MTUS2: variants seen among roughly 807,000 people sequenced by gnomAD.
The protein encoded by MTUS2 is microtubule-associated tumor suppressor candidate 2.
Under a neutral mutation model 114.1 loss-of-function variants are expected in MTUS2, and 40 were observed. The ratio of observed to expected loss-of-function variants is 0.35; its 90% CI spans 0.27 to 0.46. The LOEUF (loss-of-function observed/expected upper bound fraction) is 0.46, where lower values mean the gene tolerates loss of function less well. MTUS2 is among the 20% of genes least tolerant of loss of function. MTUS2 has a pLI of 1.00. For synonymous variants in MTUS2, 688 were observed against 672.0 expected, an observed-to-expected ratio of 1.02 and a Z score of -0.37; for missense variants, 1,679 against 1,705.4, an observed-to-expected ratio of 0.98 and a Z score of 0.27.
rs939051986 is a variant in MTUS2 at position 29,298,086 on chromosome 13, T to C, written c.2806+16221T>C. Among the ~76,000 whole-genome samples, 4 of 152,206 alleles carry C rather than the reference T, an allele frequency of 2.6e-5. No individual in the cohort carries two copies. The South Asian group carries it at 8.3e-4, about 32-fold the overall frequency. On this transcript the variant is annotated intron_variant, in intron 6 of 15. Transcript: ENST00000612955. Reference sequence around the variant, plus strand: ...ATAGTGGGGCTGTACCTGTTGACTTTTCTAACTGGCTTGCACTGTTGTAGC... The same window carrying C: ...ATAGTGGGGCTGTACCTGTTGACTTCTCTAACTGGCTTGCACTGTTGTAGC...
At chr13:29,497,130 C>A in intron 12 of MTUS2, 108 bp from the exon 13 acceptor site, 1 of 935,780 alleles carries the variant, frequency 1.1e-6, no homozygotes, top group Non-Finnish European at 1.7e-6. Context: ...GGGAAACACT[C>A]TGAGGATGCC....
chr13:28,930,306 C>T (rs1444837486), intron 2 of MTUS2, among the ~76,000 whole-genome samples: 7 of 152,194 alleles, frequency 4.6e-5, no homozygotes, highest in African/African-American at 2.4e-5. Context: ...AGGCAGCTCT[C>T]CTACCATTTT....
chr13:29,418,793 C>CGCGTT (rs1351540760), intron 8 of MTUS2, among the ~76,000 whole-genome samples: 2 of 152,292 alleles, frequency 1.3e-5, no homozygotes, highest in African/African-American at 4.8e-5. Context: ...GTGAAATGTC[C>CGCGTT]GCGTTCTAGA....
chr13:28,916,934 A>G (rs1444884803), intron 2 of MTUS2, among the ~76,000 whole-genome samples: 1 of 151,812 alleles, frequency 6.6e-6, no homozygotes, highest in Non-Finnish European at 1.5e-5. Flanking sequence ...ATATTGAGGT[A>G]TGCTCTTTTT....
rs183814160 is a variant in MTUS2 at position 29,363,826 on chromosome 13, A to T, written c.3117+4353A>T. ...AAAAAGTAAGAGGCAGAACTTTAAC[A>T]ATAGAGCTCTTATTTATTGACCATC... On this transcript the variant is annotated intron_variant, in intron 8 of 15. Transcript: ENST00000612955. Among the ~76,000 whole-genome samples the T allele has an allele frequency of 2.7e-4, 41 of 152,312 alleles. No individual in the cohort carries two copies. The East Asian group carries it at 7.5e-3, about 28-fold the overall frequency.
intron 2 of MTUS2, among the ~76,000 whole-genome samples, chr13:28,891,043 C>T (rs1251422105): frequency 6.6e-6 from 1 of 152,210 alleles, no homozygotes; most frequent in East Asian, 1.9e-4. Flanking sequence ...TACAAAGTGT[C>T]AGTTTTCCCC....
intron 2 of MTUS2, among the ~76,000 whole-genome samples, chr13:29,013,999 A>G (rs191027914): frequency 2.8e-4 from 43 of 152,368 alleles, no homozygotes; most frequent in Admixed American, 1.3e-3. Context: ...CAATTTCTCC[A>G]AGGATTAGGA....
At chr13:29,446,883 C>A (rs535709442) in intron 9 of MTUS2, among the ~76,000 whole-genome samples, 1 of 120,856 alleles carries the variant, frequency 8.3e-6, no homozygotes, top group African/African-American at 4.4e-5. Context: ...TAGGACGGAG[C>A]TTTTATGGTT....
rs56965083 is a variant in MTUS2, at chr13:29,200,521, G to GTT, written c.2645-81168_2645-81167dup. ...TGGTTTTGAGTGAGTTTCTTTTTCTGTTTTTTTTTTTTTTTTGAGATGGAG... is the reference window on the plus strand; with the variant it reads ...TGGTTTTGAGTGAGTTTCTTTTTCTGTTTTTTTTTTTTTTTTTTGAGATGGAG... On this transcript the variant is annotated intron_variant, in intron 5 of 15. Transcript: ENST00000612955. Among the ~76,000 whole-genome samples the GTT allele has an allele frequency of 1.9e-4, 16 of 85,420 alleles. 1 individual carries two copies. The highest frequency in any genetic ancestry group is 4.9e-4 in the African/African-American group (10 of 20,218). The allele number at this position is 85,420 out of a possible 152,430, so 56.0% of individuals were successfully genotyped here.
chr13:29,409,441 G>T (rs900158690), intron 8 of MTUS2, among the ~76,000 whole-genome samples: 6 of 151,888 alleles, frequency 4.0e-5, no homozygotes, highest in African/African-American at 1.5e-4. Flanking sequence ...TTCCCCATTT[G>T]CTTTAATGTC....
At chr13:28,827,725 A>C (rs1165455091) in intron 1 of MTUS2, among the ~76,000 whole-genome samples, 2 of 152,162 alleles carry the variant, frequency 1.3e-5, no homozygotes, top group African/African-American at 4.8e-5. Context: ...GAGACATCAC[A>C]TGTTGGCAGG....
At chr13:29,120,180 G>C (rs904554616) in intron 5 of MTUS2, among the ~76,000 whole-genome samples, 4 of 151,784 alleles carry the variant, frequency 2.6e-5, no homozygotes, top group Admixed American at 2.0e-4. Context: ...CATACACTGA[G>C]GTCAAAATCA....
chr13:29,190,888 G>T (rs1290697895), intron 5 of MTUS2, among the ~76,000 whole-genome samples: 1 of 152,098 alleles, frequency 6.6e-6, no homozygotes, highest in African/African-American at 2.4e-5. Flanking sequence ...GTGAACTTGG[G>T]CAACTGTGTT....
intron 4 of MTUS2, among the ~76,000 whole-genome samples, chr13:29,095,445 C>T (rs1053850233): frequency 1.3e-5 from 2 of 152,096 alleles, no homozygotes; most frequent in Admixed American, 6.5e-5. Flanking sequence ...CTTTACCTTT[C>T]TACACTTCTT....
chr13:28,823,305 T>A (rs9550401), intron 1 of MTUS2, among the ~76,000 whole-genome samples: 124,168 of 152,260 alleles, frequency 0.82, 51,128 homozygotes, highest in African/African-American at 0.86. Context: ...GATGAGTATC[T>A]GCTTGTTCCC....
chr13:28,969,006 AGTT>A (rs1244125821), intron 2 of MTUS2, among the ~76,000 whole-genome samples: 1 of 152,212 alleles, frequency 6.6e-6, no homozygotes, highest in Non-Finnish European at 1.5e-5. Flanking sequence ...TTTTAAATAA[AGTT>A]GTTTTTATAA....
intron 1 of MTUS2, among the ~76,000 whole-genome samples, chr13:28,838,562 T>C (rs777739297): frequency 2.0e-5 from 3 of 152,172 alleles, no homozygotes; most frequent in Non-Finnish European, 4.4e-5. Context: ...TTCCCCACGC[T>C]TCCCTCTGCA....
chr13:29,363,653 CTTG>C (rs1390749904), intron 8 of MTUS2, among the ~76,000 whole-genome samples: 3 of 152,172 alleles, frequency 2.0e-5, no homozygotes, highest in African/African-American at 7.2e-5. Flanking sequence ...TTATCTGTGT[CTTG>C]TTGTTGTTAG....
At chr13:29,068,940 T>C (rs1027668380) in intron 4 of MTUS2, among the ~76,000 whole-genome samples, 20 of 152,108 alleles carry the variant, frequency 1.3e-4, no homozygotes, top group Admixed American at 3.9e-4. Context: ...TTAGAAACTT[T>C]AGTTGGACTG....
Sources: allele counts gnomAD v4.1 joint callset (sites outside exome capture counted in the v4.1 genomes callset), GRCh38; gene constraint gnomAD v4.1.1; transcripts MANE v1.5; gene names NCBI Gene and HGNC (gene_info 2026-07-23, HGNC 2026-07-21).